The following DCAF10 variants were observed in gnomAD, a reference collection of about 807,000 sequenced individuals.
DCAF10 encodes DDB1- and CUL4-associated factor 10.
In DCAF10, 19 loss-of-function variants were observed where a neutral mutation model predicts 51.9. The ratio of observed to expected loss-of-function variants is 0.37; its 90% confidence interval spans 0.26 to 0.54. DCAF10 has a LOEUF of 0.54. DCAF10 is among the 20% of genes least tolerant of loss of function. The pLI is 0.87. For missense variants in DCAF10, 510 were observed against 730.6 expected (o/e 0.70, Z 3.48); for synonymous variants, 291 against 297.1 (o/e 0.98, Z 0.21).
chr9:37,805,239 T>C (rs1317550048), intron 1 of DCAF10, among the ~76,000 whole-genome samples: 1 of 152,202 alleles, frequency 6.6e-6, no homozygotes, highest in Non-Finnish European at 1.5e-5. Context: ...CCCAGCACTT[T>C]GGGAGGCCGA....
intron 2 of DCAF10, among the ~76,000 whole-genome samples, chr9:37,839,282 G>A (rs894354443): frequency 6.6e-6 from 1 of 151,866 alleles, no homozygotes; most frequent in African/African-American, 2.4e-5. Context: ...GGCTGGTCTT[G>A]AACTCCTGAC....
At chr9:37,840,472 A>G (rs1830299360) in intron 2 of DCAF10, among the ~76,000 whole-genome samples, 1 of 152,234 alleles carries the variant, frequency 6.6e-6, no homozygotes, top group South Asian at 2.1e-4. Context: ...TTTTAACAAA[A>G]AAGTTTAAAA....
intron 2 of DCAF10, among the ~76,000 whole-genome samples, chr9:37,839,728 C>T (rs1361496502): frequency 2.6e-5 from 4 of 152,200 alleles, no homozygotes; most frequent in African/African-American, 9.7e-5. Context: ...GGAGTTCCTG[C>T]TCATCTTTTA....
rs1457158154 is a variant in DCAF10, at chr9:37,864,399, T to C, written c.*2891T>C. 2 of 152,004 alleles carry C rather than the reference T, an allele frequency of 1.3e-5. No homozygotes were observed. The highest frequency in any genetic ancestry group is 1.9e-4 in the East Asian group (1 of 5,172). The allele number at this position is 152,004 out of a possible 1,614,324, so 9.4% of individuals were successfully genotyped here. A position where few individuals can be genotyped will look rare whatever the true frequency, so the allele number is the denominator to read the frequency against. On this transcript the variant is annotated 3_prime_UTR_variant, in exon 7 of 7. Transcript: ENST00000377724. ...GAGTTTGAGAACAGCCTAGCCAACA[T>C]GGTGAAACCCTGTCTCTACCAAAAA...
rs997177115 is a variant in DCAF10, at chr9:37,855,638, A to T, written c.1054+656A>T. On this transcript the variant is annotated intron_variant, in intron 4 of 6. Coordinates refer to ENST00000377724, the MANE Select transcript of DCAF10 (RefSeq NM_024345.5). ...TGGGGACATACCCATCATTTACATTATAAACAAAAATCCAGGGGAAAAAAG... is the reference window on the plus strand; with the variant it reads ...TGGGGACATACCCATCATTTACATTTTAAACAAAAATCCAGGGGAAAAAAG... Among the ~76,000 whole-genome samples the T allele has an allele frequency of 3.9e-5, 6 of 152,212 alleles. 1 individual carries two copies. The highest frequency in any genetic ancestry group is 1.4e-4 in the African/African-American group (6 of 41,446).
chr9:37,840,018 T>C (rs1028296849), intron 2 of DCAF10, among the ~76,000 whole-genome samples: 2 of 152,300 alleles, frequency 1.3e-5, no homozygotes, highest in Middle Eastern at 3.4e-3. Context: ...AGTATTATGA[T>C]AGAAGCTCCC....
chr9:37,818,054 G>A (rs996116020), intron 1 of DCAF10, among the ~76,000 whole-genome samples: 2 of 151,662 alleles, frequency 1.3e-5, no homozygotes, highest in South Asian at 2.1e-4. Context: ...GTGCAGTAGC[G>A]TGATCTTGGC....
chr9:37,801,404 G>A lies in DCAF10; in HGVS notation c.538G>A (p.Gly180Arg). 1 of 1,480,120 alleles carries A rather than the reference G, an allele frequency of 6.8e-7. No homozygotes were observed. Among genetic ancestry groups the A allele is most frequent in the Non-Finnish European group, 9.0e-7 (1 of 1,112,366 alleles). The allele number at this position is 1,480,120 out of a possible 1,614,324, so 91.7% of individuals were successfully genotyped here. Residue 180 changes from glycine (G) to arginine (R), a missense_variant and splice_region_variant, in exon 1 of 7, where the codon GGG (glycine) becomes AGG (arginine). Around this residue, in one of 4 missense-constraint regions of DCAF10, gnomAD observed 126 missense variants for 271.5 expected, o/e 0.46. Coordinates refer to ENST00000377724, the MANE Select transcript of DCAF10 (RefSeq NM_024345.5). The surrounding 1 kb of genome is among the most constrained non-coding windows in gnomAD (Gnocchi z 5.5). ...CTTCAACCTCGAGTACTCGCCCGAC[G>A]GGTAAGCGCGGCCCCTCGGAGGGCG... ...AVFNLEYSPD[G>R]SVLTVACEQT...
In DCAF10 at chr9:37,861,741, G is replaced by A; in HGVS notation, c.*233G>A. The A allele has an allele frequency of 6.3e-6, 3 of 476,084 alleles. No individual in the cohort carries two copies. Among genetic ancestry groups the A allele is most frequent in the Non-Finnish European group, 7.3e-6 (2 of 273,238 alleles). 29.5% of individuals were successfully genotyped at this position (476,084 alleles called of 1,614,324 possible). On this transcript the variant is annotated 3_prime_UTR_variant, in exon 7 of 7. Coordinates refer to ENST00000377724, the MANE Select transcript of DCAF10 (RefSeq NM_024345.5). The surrounding 1 kb of genome is among the most constrained non-coding windows in gnomAD (Gnocchi z 4.9). The stretch of plus-strand genomic sequence containing the variant: ...TTTGCAGCATTCCTCTGCTCCTGCT[G>A]ATCTGTGCCACTGAACTCCAGTTCT...
In DCAF10 at chr9:37,861,161, CAAG is replaced by C; in HGVS notation, c.1337_1339del (p.Glu446del). 3 of 1,602,312 alleles carry C rather than the reference CAAG, an allele frequency of 1.9e-6. No individual in the cohort carries two copies. Among genetic ancestry groups the C allele is most frequent in the Non-Finnish European group, 8.5e-7 (1 of 1,170,000 alleles). ...CTAGTGTACTTGTGTCTATGAATTCCAAGAAGGAGCTCCAGTGCGACCTGTCTC... is the reference window on the plus strand; with the variant it reads ...CTAGTGTACTTGTGTCTATGAATTCCAAGGAGCTCCAGTGCGACCTGTCTC... On this transcript the variant is annotated inframe_deletion, in exon 7 of 7. Coordinates refer to ENST00000377724, the MANE Select transcript of DCAF10 (RefSeq NM_024345.5). This position sits in a 1 kb window ranked among gnomAD's most constrained non-coding sequence, Gnocchi z 4.9.
At chr9:37,844,375 G>T (rs1363573931) in intron 3 of DCAF10, among the ~76,000 whole-genome samples, 1 of 152,164 alleles carries the variant, frequency 6.6e-6, no homozygotes, top group African/African-American at 2.4e-5. Context: ...ATTAGGCCAC[G>T]TGTGGTGGCT....
rs770124527 is a variant in DCAF10, at chr9:37,842,297, A to T, written c.851+11A>T. 1 of 1,610,090 alleles carries T rather than the reference A, an allele frequency of 6.2e-7. No homozygotes were observed. The highest frequency in any genetic ancestry group is 8.5e-7 in the Non-Finnish European group (1 of 1,178,154). On this transcript the variant is annotated intron_variant, in intron 3 of 6. Coordinates refer to ENST00000377724, the MANE Select transcript of DCAF10 (RefSeq NM_024345.5). ...TTGGGACACTAACAGGTTTGTGAAT[A>T]GGAGACCATGTTAGGATTATGAACA...
At chr9:37,835,438 G>T (rs902577811) in intron 2 of DCAF10, among the ~76,000 whole-genome samples, 6 of 152,050 alleles carry the variant, frequency 3.9e-5, no homozygotes, top group Non-Finnish European at 8.8e-5. Context: ...AATTAACCGG[G>T]TGTGATGGTG....
chr9:37,807,228 T>G (rs2119017774), intron 1 of DCAF10, among the ~76,000 whole-genome samples: 1 of 152,320 alleles, frequency 6.6e-6, no homozygotes, highest in Non-Finnish European at 1.5e-5. Context: ...ATGCCTATAA[T>G]CCTAGCACTT....
At chr9:37,857,935 A>G (rs1830900524) in intron 5 of DCAF10, among the ~76,000 whole-genome samples, 1 of 152,144 alleles carries the variant, frequency 6.6e-6, no homozygotes, top group African/African-American at 2.4e-5. Flanking sequence ...TACAAATTCC[A>G]CATACTGTTC....
chr9:37,827,787 G>A (rs776664084), intron 2 of DCAF10, among the ~76,000 whole-genome samples: 1 of 152,162 alleles, frequency 6.6e-6, no homozygotes, highest in Non-Finnish European at 1.5e-5. Flanking sequence ...GCATAAGGCT[G>A]GGACCCCAAA....
At chr9:37,841,884 G>C (rs909845039) in intron 2 of DCAF10, among the ~76,000 whole-genome samples, 1 of 152,038 alleles carries the variant, frequency 6.6e-6, no homozygotes, top group African/African-American at 2.4e-5. Context: ...ATTGCAATAT[G>C]ACTGTCATTA....
intron 3 of DCAF10, among the ~76,000 whole-genome samples, chr9:37,843,873 TA>T (rs1380072959): frequency 2.0e-5 from 3 of 152,166 alleles, no homozygotes; most frequent in Non-Finnish European, 4.4e-5. Context: ...TAGATTAGAT[TA>T]AAAATAAAAC....
In DCAF10 at chr9:37,854,673, C is replaced by T. The variant is rs1048417262; in HGVS notation, c.852-107C>T. 4.8e-6 allele frequency: 5 copies of T among 1,037,644 alleles called. No homozygotes were observed. In the East Asian group the frequency reaches 1.2e-4, roughly 25 times the overall value. The allele number at this position is 1,037,644 out of a possible 1,614,324, so 64.3% of individuals were successfully genotyped here. On this transcript the variant is annotated intron_variant, in intron 3 of 6. Coordinates refer to ENST00000377724, the MANE Select transcript of DCAF10 (RefSeq NM_024345.5). ...TAATTTTGAGCCCATTGACCAAGCT[C>T]TTCTCATCCTCCCTACATTTTATTT...
Sources: allele counts gnomAD v4.1 joint callset (sites outside exome capture counted in the v4.1 genomes callset), GRCh38; gene constraint gnomAD v4.1.1; regional missense constraint gnomAD v4.1.1; non-coding constraint Gnocchi (gnomAD v3.1); transcripts MANE v1.5; gene names NCBI Gene and HGNC (gene_info 2026-07-23, HGNC 2026-07-21).